The following EVC2 variants were observed in gnomAD, a reference collection of about 807,000 sequenced individuals.
EVC2 encodes the protein EvC ciliary complex subunit 2.
A neutral mutation model predicts 149.3 loss-of-function variants in EVC2; 148 were observed. The ratio of observed to expected loss-of-function variants is 0.99; its 90% CI spans 0.87 to 1.14. The LOEUF is 1.14. Among genes scored for constraint, EVC2 ranks in the 50% most tolerant of loss-of-function variants. The pLI, the probability that EVC2 is intolerant of heterozygous loss-of-function variation, is 0.00. For missense variants in EVC2, 1,854 were observed against 1,627.3 expected (o/e 1.14, Z -2.40); for synonymous variants, 776 against 649.9 (o/e 1.19, Z -2.95).
rs115337594 is a variant in EVC2 at position 5,624,258 on chromosome 4, G to A, written c.2047-1267C>T. ...TAACAGTGGGTCCACAGATAGTCTCGGTTCTATTTGGAGAGAACATAAGAT... is the reference window on the plus strand; with the variant it reads ...TAACAGTGGGTCCACAGATAGTCTCAGTTCTATTTGGAGAGAACATAAGAT... On this transcript the variant is annotated intron_variant, in intron 13 of 21. Coordinates refer to ENST00000344408, the MANE Select transcript of EVC2 (RefSeq NM_147127.5). Among the ~76,000 whole-genome samples the A allele has an allele frequency of 2.9e-3, 449 of 152,214 alleles. 1 individual carries two copies. The highest frequency in any genetic ancestry group is 0.01 in the African/African-American group (423 of 41,524).
At chr4:5,589,613 T>C (rs1712603867) in intron 16 of EVC2, among the ~76,000 whole-genome samples, 1 of 152,198 alleles carries the variant, frequency 6.6e-6, no homozygotes, top group South Asian at 2.1e-4. Context: ...TGCCTCAGCC[T>C]GGAAACCCTT....
At chr4:5,699,435 C>G (rs1023467931) in intron 1 of EVC2, among the ~76,000 whole-genome samples, 3 of 152,156 alleles carry the variant, frequency 2.0e-5, no homozygotes, top group African/African-American at 7.2e-5. Flanking sequence ...AATTCCACTT[C>G]TGGGCATATA....
chr4:5,655,507 G>A (rs1718461335), intron 9 of EVC2, among the ~76,000 whole-genome samples: 1 of 152,150 alleles, frequency 6.6e-6, no homozygotes, highest in Admixed American at 6.5e-5. Flanking sequence ...TCCCTCTGCT[G>A]GAAATGCCCC....
rs964332168 is a variant in EVC2, at chr4:5,686,929, T to C, written c.707-1450A>G. Among the ~76,000 whole-genome samples the C allele has an allele frequency of 1.3e-5, 2 of 152,042 alleles. No homozygotes were observed. Among genetic ancestry groups the C allele is most frequent in the African/African-American group, 4.8e-5 (2 of 41,382 alleles). The stretch of plus-strand genomic sequence containing the variant: ...CAGTAGGTAGAGCTAAGCATGGGCA[T>C]AAATAACAAGAATGGAGCAGTAAGA... On this transcript the variant is annotated intron_variant, in intron 5 of 21. Transcript: ENST00000344408. This position sits in a 1 kb window ranked among gnomAD's most constrained non-coding sequence, Gnocchi z 5.4.
Position 5,640,693 on chromosome 4 carries a change from C to T in EVC2, c.1291G>A (p.Val431Ile), listed in dbSNP as rs1170648594. The T allele has an allele frequency of 1.2e-6, 2 of 1,613,946 alleles. No homozygotes were observed. Among genetic ancestry groups the T allele is most frequent in the Admixed American group, 1.7e-5 (1 of 59,988 alleles). ...SPQVERKMSA[V>I]FKKQFLLLEN... is the part of the protein sequence containing the mutation. ...AGCAATAGAAACTGCTTTTTGAAAA[C>T]AGCACTCATTTTTCTCTCTACTTGG... The change falls in exon 10 of 22, where the codon GTT becomes ATT. Residue 431 changes from valine to isoleucine, a missense_variant. Physicochemically the swap from Val to Ile is conservative, Grantham distance 29 (BLOSUM62 3). Coordinates refer to ENST00000344408, the MANE Select transcript of EVC2 (RefSeq NM_147127.5). The surrounding 1 kb of genome is among the most constrained non-coding windows in gnomAD (Gnocchi z 4.6).
intron 7 of EVC2, among the ~76,000 whole-genome samples, chr4:5,676,640 A>G (rs556602934): frequency 1.3e-5 from 2 of 152,300 alleles, no homozygotes; most frequent in African/African-American, 4.8e-5. Flanking sequence ...GGCTTAACCT[A>G]GAAGTCAGAT....
At chr4:5,676,067 C>T (rs1577238838) in intron 7 of EVC2, among the ~76,000 whole-genome samples, 1 of 152,192 alleles carries the variant, frequency 6.6e-6, no homozygotes, top group East Asian at 1.9e-4. Context: ...ACACTGTGAT[C>T]TGTTCTCCTG....
intron 7 of EVC2, among the ~76,000 whole-genome samples, chr4:5,676,751 G>T (rs1720021119): frequency 6.6e-6 from 1 of 152,206 alleles, no homozygotes; most frequent in Non-Finnish European, 1.5e-5. Context: ...AGCCCATGGA[G>T]TTCTCTCTCT....
intron 8 of EVC2, 122 bp from the exon 9 acceptor site, chr4:5,663,368 G>A: frequency 7.5e-7 from 1 of 1,332,314 alleles, no homozygotes; most frequent in African/African-American, 1.4e-5. Flanking sequence ...CCACCACTGT[G>A]ACCACAGTAA....
At chr4:5,579,604 G>A (rs888573641) in intron 17 of EVC2, among the ~76,000 whole-genome samples, 3 of 152,200 alleles carry the variant, frequency 2.0e-5, no homozygotes, top group Non-Finnish European at 4.4e-5. Context: ...CACTTTGGGA[G>A]GCCAAGGTGG....
chr4:5,707,694 C>T (rs1023539858), intron 1 of EVC2, among the ~76,000 whole-genome samples: 1 of 152,170 alleles, frequency 6.6e-6, no homozygotes, highest in Admixed American at 6.5e-5. Context: ...GGCACTAGGA[C>T]TGGTGACCAG....
At chr4:5,643,964 C>T (rs946984645) in intron 9 of EVC2, among the ~76,000 whole-genome samples, 4 of 152,216 alleles carry the variant, frequency 2.6e-5, no homozygotes, top group African/African-American at 9.6e-5. Flanking sequence ...CAGACTACCT[C>T]AAGTGTCTCA....
intron 21 of EVC2, among the ~76,000 whole-genome samples, chr4:5,548,360 G>A (rs1365417033): frequency 1.3e-5 from 2 of 148,878 alleles, no homozygotes; most frequent in African/African-American, 5.0e-5. Context: ...CAGCCACCTT[G>A]AAACCATGAG....
At position 5,618,007 on chromosome 4, in the gene EVC2, G is replaced by T. The variant is rs562501291; in HGVS notation, c.2706+471C>A. Among the ~76,000 whole-genome samples the T allele has an allele frequency of 3.9e-5, 6 of 152,150 alleles. No homozygotes were observed. Among genetic ancestry groups the T allele is most frequent in the African/African-American group, 1.4e-4 (6 of 41,418 alleles). On this transcript the variant is annotated intron_variant, in intron 15 of 21. Transcript: ENST00000344408. The surrounding 1 kb of genome is among the most constrained non-coding windows in gnomAD (Gnocchi z 4.4). Reference sequence around the variant, plus strand: ...CATAATAGCTGCTCATTAAAAGGCAGCTACCAGTCATCATCCTTTAAGACC... The same window carrying T: ...CATAATAGCTGCTCATTAAAAGGCATCTACCAGTCATCATCCTTTAAGACC...
chr4:5,542,699 C>T (rs140603360), downstream of EVC2: 398 of 160,850 alleles, frequency 2.5e-3, 1 homozygote, highest in African/African-American at 8.8e-3. Flanking sequence ...ATAGTAGACC[C>T]GACCTTGCAG....
At chr4:5,661,651 C>G (rs547543413) in intron 9 of EVC2, among the ~76,000 whole-genome samples, 1 of 152,162 alleles carries the variant, frequency 6.6e-6, no homozygotes, top group Non-Finnish European at 1.5e-5. Flanking sequence ...TCTTAAATAT[C>G]TGATGAAAGG....
At chr4:5,600,157 G>A (rs534698568) in intron 16 of EVC2, among the ~76,000 whole-genome samples, 66 of 152,288 alleles carry the variant, frequency 4.3e-4, no homozygotes, top group African/African-American at 1.5e-3. Flanking sequence ...CTAGCTGTGT[G>A]ACCAAGGCAA....
At position 5,628,641 on chromosome 4, in the gene EVC2, G is replaced by T. The variant is rs770095404; in HGVS notation, c.1804C>A (p.Leu602Ile). The T allele has an allele frequency of 6.2e-7, 1 of 1,613,916 alleles. No individual in the cohort carries two copies. Among genetic ancestry groups the T allele is most frequent in the South Asian group, 1.1e-5 (1 of 91,062 alleles). The change falls in exon 12 of 22, where the codon CTC (leucine) becomes ATC (isoleucine). Residue 602 changes from leucine to isoleucine, a missense_variant. Physicochemically the swap from Leu to Ile is conservative, Grantham distance 5 (BLOSUM62 2). Coordinates refer to ENST00000344408, the MANE Select transcript of EVC2 (RefSeq NM_147127.5). ...TGCACACGGGTCTCTGATGACTGGAGGTTCTGGACCAGATATTCCCTGTGG... is the reference window on the plus strand; with the variant it reads ...TGCACACGGGTCTCTGATGACTGGATGTTCTGGACCAGATATTCCCTGTGG... ...FGHREYLVQN[L>I]QSSETRVQGL...
intron 16 of EVC2, among the ~76,000 whole-genome samples, chr4:5,601,183 A>C (rs1451430622): frequency 6.6e-6 from 1 of 152,162 alleles, no homozygotes. Flanking sequence ...ATAGGCTCAG[A>C]GCCTTATTAT....
Sources: allele counts gnomAD v4.1 joint callset (sites outside exome capture counted in the v4.1 genomes callset), GRCh38; gene constraint gnomAD v4.1.1; non-coding constraint Gnocchi (gnomAD v3.1); transcripts MANE v1.5; gene names NCBI Gene and HGNC (gene_info 2026-07-23, HGNC 2026-07-21).